Variants in PRDM16 observed in about 807,000 individuals in gnomAD.
The protein encoded by PRDM16 is PR/SET domain 16, also known as histone-lysine N-methyltransferase PRDM16.
Under a neutral mutation model 110.6 loss-of-function variants are expected in PRDM16, and 23 were observed. The ratio of observed to expected loss-of-function variants is 0.21; its 90% confidence interval spans 0.15 to 0.29. PRDM16 has a LOEUF of 0.29. Ranked by LOEUF, PRDM16 falls within the 10% of genes least tolerant of loss-of-function variation. The pLI, the probability that PRDM16 is intolerant of heterozygous loss-of-function variation, is 1.00. For missense variants in PRDM16, 1,615 were observed against 1,794.3 expected, an observed-to-expected ratio of 0.90 and a Z score of 1.81; for synonymous variants, 799 against 781.8, an observed-to-expected ratio of 1.02 and a Z score of -0.37.
chr1:3,326,804 C>T, intron 3 of PRDM16, among the ~76,000 whole-genome samples: 1 of 152,242 alleles, frequency 6.6e-6, no homozygotes, highest in Non-Finnish European at 1.5e-5. Context: ...GGCCTGACAG[C>T]AGGGGGAGGC....
intron 3 of PRDM16, among the ~76,000 whole-genome samples, chr1:3,342,842 G>A (rs907717546): frequency 6.6e-6 from 1 of 152,168 alleles, no homozygotes; most frequent in Non-Finnish European, 1.5e-5. Context: ...TATTCTGTAT[G>A]GCAGTAGCAT....
chr1:3,262,894 G>A (rs953897378), intron 3 of PRDM16, among the ~76,000 whole-genome samples: 1 of 152,190 alleles, frequency 6.6e-6, no homozygotes, highest in Admixed American at 6.5e-5. Context: ...GGACACCTGC[G>A]GTGTGCTGCC....
In PRDM16 at chr1:3,417,302, T is replaced by C. The variant is rs577865981; in HGVS notation, c.2692-526T>C. ...GCAATTATGGCATGCTGCCACTTGG[T>C]GGCAGTGGTTCTGCAGGCCCACAAT... On this transcript the variant is annotated intron_variant, in intron 10 of 16. Coordinates refer to ENST00000270722, the MANE Select transcript of PRDM16 (RefSeq NM_022114.4). Among the ~76,000 whole-genome samples, 372 of 152,396 alleles carry C rather than the reference T, an allele frequency of 2.4e-3. 2 individuals are homozygous for C. Among genetic ancestry groups the C allele is most frequent in the Middle Eastern group, 0.017 (5 of 294 alleles).
intron 2 of PRDM16, among the ~76,000 whole-genome samples, chr1:3,233,758 G>A (rs1239675375): frequency 6.6e-6 from 1 of 152,178 alleles, no homozygotes; most frequent in African/African-American, 2.4e-5. Context: ...GGTGATGGAT[G>A]GGTTTATGGT....
chr1:3,319,575 T>TA (rs1195915349), intron 3 of PRDM16, among the ~76,000 whole-genome samples: 25 of 152,082 alleles, frequency 1.6e-4, no homozygotes, highest in Non-Finnish European at 3.2e-4. Context: ...GATCAATATC[T>TA]CACCAGTGGC....
At chr1:3,293,829 C>T (rs1641029685) in intron 3 of PRDM16, among the ~76,000 whole-genome samples, 2 of 152,316 alleles carry the variant, frequency 1.3e-5, no homozygotes, top group Non-Finnish European at 2.9e-5. Context: ...TCCTGGTGAA[C>T]GTTGCCCCTT....
rs189665812 is a variant in PRDM16 at position 3,177,587 on chromosome 1, G to A, written c.38-8538G>A. On this transcript the variant is annotated intron_variant, in intron 1 of 16. Transcript: ENST00000270722. ...CCACAGTGCCGGCTGCATGCTCCGC[G>A]GCCCAGTCAATATCAGCAGCCGGCC... Among the ~76,000 whole-genome samples the A allele has an allele frequency of 4.4e-3, 676 of 152,292 alleles. 16 individuals are homozygous for A. The highest frequency in any genetic ancestry group is 2.9e-3 in the Non-Finnish European group (197 of 68,026).
At chr1:3,283,904 C>T (rs939382521) in intron 3 of PRDM16, among the ~76,000 whole-genome samples, 95 of 152,358 alleles carry the variant, frequency 6.2e-4, no homozygotes, top group African/African-American at 2.2e-3. Context: ...CAGGTGCCTC[C>T]GCGGGAGGAA....
rs540263382 is a variant in PRDM16 at position 3,260,600 on chromosome 1, T to G, written c.438+16463T>G. 3.1e-4 allele frequency among the ~76,000 whole-genome samples: 47 copies of G among 150,678 alleles called. 1 individual carries two copies. In the South Asian group the frequency reaches 7.4e-3, roughly 24 times the overall value. Reference sequence around the variant, plus strand: ...TGTGTGATGATGCTGGTGATGAGGTTGATAATGAAGATGAAGATGATGGTG... The same window carrying G: ...TGTGTGATGATGCTGGTGATGAGGTGGATAATGAAGATGAAGATGATGGTG... On this transcript the variant is annotated intron_variant, in intron 3 of 16. Transcript: ENST00000270722.
At chr1:3,301,931 C>G (rs1194197719) in intron 3 of PRDM16, among the ~76,000 whole-genome samples, 2 of 152,192 alleles carry the variant, frequency 1.3e-5, no homozygotes, top group African/African-American at 4.8e-5. Flanking sequence ...GTGTTGGTCA[C>G]CGGGGGACTG....
At chr1:3,086,546 G>A (rs1037893391) in intron 1 of PRDM16, among the ~76,000 whole-genome samples, 6 of 151,944 alleles carry the variant, frequency 3.9e-5, no homozygotes, top group South Asian at 2.1e-4. Flanking sequence ...GCCTCCTCCC[G>A]CCGGGCTGCC....
chr1:3,226,797 G>A (rs534361158), intron 2 of PRDM16, among the ~76,000 whole-genome samples: 17 of 152,274 alleles, frequency 1.1e-4, no homozygotes, highest in South Asian at 2.1e-4. Flanking sequence ...GTCCCCGCAC[G>A]GGGACCCCAG....
chr1:3,283,735 G>A (rs1297063893), intron 3 of PRDM16, among the ~76,000 whole-genome samples: 3 of 152,174 alleles, frequency 2.0e-5, no homozygotes, highest in Admixed American at 2.0e-4. Flanking sequence ...GTCAGCGAAG[G>A]GTTATGGGGA....
At chr1:3,198,975 C>T (rs1228736935) in intron 2 of PRDM16, among the ~76,000 whole-genome samples, 1 of 152,200 alleles carries the variant, frequency 6.6e-6, no homozygotes, top group Non-Finnish European at 1.5e-5. Flanking sequence ...CAGGCATTGT[C>T]TGTCGCGGCA....
chr1:3,113,906 T>G (rs1642853381), intron 1 of PRDM16, among the ~76,000 whole-genome samples: 3 of 152,260 alleles, frequency 2.0e-5, no homozygotes, highest in African/African-American at 7.2e-5. Context: ...TTGAGAATAT[T>G]TTCTGTTTCA....
chr1:3,324,609 G>C (rs1258553472), intron 3 of PRDM16, among the ~76,000 whole-genome samples: 1 of 152,154 alleles, frequency 6.6e-6, no homozygotes, highest in East Asian at 1.9e-4. Flanking sequence ...CTGGATGCTG[G>C]CCTCTGAACT....
Position 3,100,211 on chromosome 1 carries a change from C to A in PRDM16, c.37+30915C>A, listed in dbSNP as rs553445185. Reference sequence around the variant, plus strand: ...ACCAGAGTAGAGCTTGCCCCCTGCCCGCTCTGTGACGTGGCCCCAGTGCCC... The same window carrying A: ...ACCAGAGTAGAGCTTGCCCCCTGCCAGCTCTGTGACGTGGCCCCAGTGCCC... On this transcript the variant is annotated intron_variant, in intron 1 of 16. Coordinates refer to ENST00000270722, the MANE Select transcript of PRDM16 (RefSeq NM_022114.4). 8.5e-5 allele frequency among the ~76,000 whole-genome samples: 13 copies of A among 152,284 alleles called. No homozygotes were observed. The South Asian group carries it at 2.7e-3, about 32-fold the overall frequency.
At chr1:3,105,584 G>A (rs551906407) in intron 1 of PRDM16, among the ~76,000 whole-genome samples, 7 of 152,216 alleles carry the variant, frequency 4.6e-5, no homozygotes, top group South Asian at 4.1e-4. Context: ...TGAGCCTAGC[G>A]CTGTCCCCAA....
chr1:3,102,097 TAA>T (rs573148066), intron 1 of PRDM16, among the ~76,000 whole-genome samples: 217 of 152,292 alleles, frequency 1.4e-3, no homozygotes, highest in African/African-American at 4.4e-3. Context: ...CGGCCACAGC[TAA>T]GTCTCAGGCT....
Sources: allele counts gnomAD v4.1 joint callset (sites outside exome capture counted in the v4.1 genomes callset), GRCh38; gene constraint gnomAD v4.1.1; transcripts MANE v1.5; gene names NCBI Gene and HGNC (gene_info 2026-07-23, HGNC 2026-07-21).